The following LRRC49 variants were observed in gnomAD, a reference collection of about 807,000 sequenced individuals.
The protein encoded by LRRC49 is leucine rich repeat containing 49.
LRRC49 carries 50 observed loss-of-function variants against 83.3 expected under a neutral mutation model. The ratio of observed to expected loss-of-function variants is 0.60; its 90% confidence interval spans 0.48 to 0.76. The LOEUF is 0.76. LRRC49 is among the 30% of genes least tolerant of loss of function. The pLI is 0.00. For synonymous variants in LRRC49, 286 were observed against 283.3 expected, an observed-to-expected ratio of 1.01 and a Z score of -0.10; for missense variants, 704 against 809.1, an observed-to-expected ratio of 0.87 and a Z score of 1.58.
chr15:71,048,071 G>A (rs867566505), intron 15 of LRRC49, among the ~76,000 whole-genome samples: 3 of 140,872 alleles, frequency 2.1e-5, no homozygotes, highest in East Asian at 2.2e-4. Flanking sequence ...CCACTGCACC[G>A]GGCCAAATTT....
At position 71,053,514 on chromosome 15, in the gene LRRC49, T is replaced by C. The variant is rs981865808; in HGVS notation, c.*3902T>C. On this transcript the variant is annotated 3_prime_UTR_variant, in exon 16 of 16. Transcript: ENST00000260382. ...TGGTTGTTAAATATCCAAGTGCAGG[T>C]GTTAAGTAGGTGTGAATATGAGTTG... 1.4e-4 allele frequency: 22 copies of C among 152,190 alleles called. No homozygotes were observed. The highest frequency in any genetic ancestry group is 5.3e-4 in the African/African-American group (22 of 41,444). 9.4% of individuals were successfully genotyped at this position (152,190 alleles called of 1,614,324 possible). A position where few individuals can be genotyped will look rare whatever the true frequency, so the allele number is the denominator to read the frequency against.
chr15:70,992,317 C>A (rs1419099819), intron 11 of LRRC49, among the ~76,000 whole-genome samples: 1 of 152,240 alleles, frequency 6.6e-6, no homozygotes, highest in African/African-American at 2.4e-5. Context: ...ACTCGTCAGT[C>A]ATTCTCCGTC....
intron 11 of LRRC49, among the ~76,000 whole-genome samples, chr15:70,987,297 T>G (rs1366574626): frequency 6.6e-6 from 1 of 152,216 alleles, no homozygotes; most frequent in Non-Finnish European, 1.5e-5. Flanking sequence ...CTATTGATTA[T>G]TGCCACAATT....
chr15:70,876,626 A>C (rs949646090), intron 2 of LRRC49, among the ~76,000 whole-genome samples: 4 of 152,130 alleles, frequency 2.6e-5, no homozygotes, highest in Non-Finnish European at 5.9e-5. Flanking sequence ...AGTTCTTGTT[A>C]CCCACACTTG....
chr15:70,859,855 G>A, intron 1 of LRRC49: 2 of 768,146 alleles, frequency 2.6e-6, no homozygotes, highest in South Asian at 1.3e-5. Flanking sequence ...TGAATGTCAA[G>A]CTGGCCTTGG....
rs750895355 is a variant in LRRC49, at chr15:70,919,060, T to C, written c.578T>C (p.Ile193Thr). 1 of 1,611,112 alleles carries C rather than the reference T, an allele frequency of 6.2e-7. No individual in the cohort carries two copies. The highest frequency in any genetic ancestry group is 1.1e-5 in the South Asian group (1 of 90,474). Residue 193 changes from isoleucine (I) to threonine (T), a missense_variant, in exon 7 of 16, where the codon ATT becomes ACT. Physicochemically the swap from Ile to Thr is moderately conservative, Grantham distance 89. Coordinates refer to ENST00000260382, the MANE Select transcript of LRRC49 (RefSeq NM_017691.5). The stretch of plus-strand genomic sequence containing the variant: ...TATTTTCTTTAACAGATTACCAAAA[T>C]TGAAAATATTAATCATTTGTGTGAG... ...LDLHGNQITK[I>T]ENINHLCELR...
intron 11 of LRRC49, among the ~76,000 whole-genome samples, chr15:70,986,443 A>T (rs908653466): frequency 6.6e-6 from 1 of 151,720 alleles, no homozygotes; most frequent in Admixed American, 6.6e-5. Flanking sequence ...TTTGTCTGTT[A>T]TTGGTGTATA....
At chr15:70,905,473 C>T (rs1196320398) in intron 5 of LRRC49, among the ~76,000 whole-genome samples, 1 of 152,090 alleles carries the variant, frequency 6.6e-6, no homozygotes, top group African/African-American at 2.4e-5. Context: ...TTGGATTACT[C>T]GTTGCAGGAA....
intron 8 of LRRC49, among the ~76,000 whole-genome samples, chr15:70,948,932 G>T (rs974383351): frequency 6.6e-6 from 1 of 152,120 alleles, no homozygotes. Context: ...GTTGGTCTCT[G>T]TTTCAAGTAC....
intron 11 of LRRC49, among the ~76,000 whole-genome samples, chr15:70,995,903 C>T (rs1353143977): frequency 2.0e-5 from 3 of 152,018 alleles, no homozygotes; most frequent in African/African-American, 7.3e-5. Flanking sequence ...TCCACAAAGT[C>T]GTTAGCTTTT....
chr15:70,895,870 G>C lies in LRRC49; in HGVS notation c.127G>C (p.Asp43His), dbSNP rs1430544042. ...KNKVEFKLNKDTSSFPGRLLQ... is the reference protein window; with the variant it reads ...KNKVEFKLNKHTSSFPGRLLQ... The stretch of plus-strand genomic sequence containing the variant: ...TCAGGTTGAATTCAAGCTAAATAAA[G>C]ACACATCGTCATTCCCCGGTAGACT... The change falls in exon 3 of 16, where the codon GAC (aspartate) becomes CAC (histidine). Residue 43 changes from aspartate to histidine, a missense_variant. Around this residue, in one of 3 missense-constraint regions of LRRC49, gnomAD observed 261 missense variants for 330.5 expected, o/e 0.79. Coordinates refer to ENST00000260382, the MANE Select transcript of LRRC49 (RefSeq NM_017691.5). The C allele has an allele frequency of 6.2e-7, 1 of 1,609,508 alleles. No homozygotes were observed. Among genetic ancestry groups the C allele is most frequent in the African/African-American group, 1.3e-5 (1 of 74,712 alleles).
chr15:70,971,797 C>CTTTTTTTTTTTTTTTTTTTTTTTTTTT (rs56230666), intron 9 of LRRC49, among the ~76,000 whole-genome samples: 1 of 82,268 alleles, frequency 1.2e-5, no homozygotes, highest in Non-Finnish European at 2.2e-5. Context: ...GTAACCACTC[C>CTTTTTTTTTTTTTTTTTTTTTTTTTTT]TTTTTTTTTT....
chr15:71,028,718 T>A (rs2039252600), intron 14 of LRRC49, among the ~76,000 whole-genome samples: 1 of 152,210 alleles, frequency 6.6e-6, no homozygotes, highest in African/African-American at 2.4e-5. Context: ...CTAAGTTTTC[T>A]AGTTTATTGG....
Position 70,927,384 on chromosome 15 carries a change from G to GAT in LRRC49, c.711+8202_711+8203dup, listed in dbSNP as rs904189518. On this transcript the variant is annotated intron_variant, in intron 7 of 15. Transcript: ENST00000260382. ...CATTCTAGATGCAGGTCCTTTGTTT[G>GAT]ATATATATATATTGAGTGTATTTTC... 5.9e-5 allele frequency among the ~76,000 whole-genome samples: 9 copies of GAT among 151,698 alleles called. No individual in the cohort carries two copies. The East Asian group carries it at 9.7e-4, about 16-fold the overall frequency.
intron 9 of LRRC49, among the ~76,000 whole-genome samples, chr15:70,964,537 C>T (rs184197362): frequency 1.3e-5 from 2 of 152,156 alleles, no homozygotes; most frequent in East Asian, 3.9e-4. Context: ...TTTTATTCAT[C>T]GTATCTCCAT....
At chr15:70,954,987 C>T (rs760020907) in intron 8 of LRRC49, among the ~76,000 whole-genome samples, 8 of 151,948 alleles carry the variant, frequency 5.3e-5, no homozygotes, top group Admixed American at 1.3e-4. Flanking sequence ...GGGAGGTGTG[C>T]TCCAGCAGAA....
upstream of LRRC49, chr15:70,891,831 G>GGTCT (rs1408923152): frequency 6.5e-7 from 1 of 1,550,074 alleles, no homozygotes; most frequent in Middle Eastern, 1.9e-4. Context: ...AACCTTCGGT[G>GGTCT]GTCTCTCTTT....
At chr15:70,853,593 G>C in intron 1 of LRRC49, 1 of 249,836 alleles carries the variant, frequency 4.0e-6, no homozygotes, top group Non-Finnish European at 7.6e-6. Flanking sequence ...GGGTGGCTTG[G>C]ATGGCCCGTG....
intron 5 of LRRC49, among the ~76,000 whole-genome samples, chr15:70,905,244 G>A (rs952549531): frequency 2.0e-5 from 3 of 151,998 alleles, no homozygotes; most frequent in East Asian, 1.9e-4. Flanking sequence ...ACTCTATTCC[G>A]TAGTGCAACT....
Sources: allele counts gnomAD v4.1 joint callset (sites outside exome capture counted in the v4.1 genomes callset), GRCh38; gene constraint gnomAD v4.1.1; regional missense constraint gnomAD v4.1.1; transcripts MANE v1.5; gene names NCBI Gene and HGNC (gene_info 2026-07-23, HGNC 2026-07-21).